The following RYR2 variants were observed in gnomAD, a reference collection of about 807,000 sequenced individuals.
RYR2 encodes ryanodine receptor 2.
RYR2 carries 227 observed loss-of-function variants against 601.1 expected under a neutral mutation model. The ratio of observed to expected loss-of-function variants is 0.38; its 90% CI spans 0.34 to 0.42. RYR2 has a LOEUF of 0.42. Ranked by LOEUF, RYR2 falls within the 10% of genes least tolerant of loss-of-function variation. The probability of loss-of-function intolerance (pLI) is 1.00; values close to 1 mark genes in which losing one functional copy is unlikely to be tolerated. For synonymous variants in RYR2, 2,223 were observed against 2,175.1 expected (o/e 1.02, Z -0.61); for missense variants, 4,646 against 6,156.5 (o/e 0.75, Z 8.21).
intron 12 of RYR2, among the ~76,000 whole-genome samples, chr1:237,432,512 TG>T (rs1706929759): frequency 6.6e-6 from 1 of 152,192 alleles, no homozygotes; most frequent in Non-Finnish European, 1.5e-5. Flanking sequence ...CAGTCTTCTC[TG>T]GGAAGGGAAG....
At chr1:237,086,849 C>G (rs1453703896) in intron 1 of RYR2, among the ~76,000 whole-genome samples, 2 of 152,160 alleles carry the variant, frequency 1.3e-5, no homozygotes, top group Non-Finnish European at 2.9e-5. Context: ...GGTTGGCAAA[C>G]AGCAGTCAAA....
intron 8 of RYR2, among the ~76,000 whole-genome samples, chr1:237,385,990 A>G (rs528649296): frequency 6.4e-4 from 97 of 152,340 alleles, no homozygotes; most frequent in African/African-American, 2.2e-3. Context: ...GTAAACAATT[A>G]AACAGTTTTA....
intron 23 of RYR2, among the ~76,000 whole-genome samples, chr1:237,511,421 C>G (rs139596775): frequency 6.6e-6 from 1 of 151,664 alleles, no homozygotes; most frequent in Non-Finnish European, 1.5e-5. Flanking sequence ...ACTGAGTGAG[C>G]CTGTGGGAAT....
chr1:237,117,681 T>TCTTCTCTTC (rs1670254982), intron 1 of RYR2, among the ~76,000 whole-genome samples: 1 of 43,784 alleles, frequency 2.3e-5, no homozygotes, highest in Non-Finnish European at 4.5e-5. Flanking sequence ...CCTTCTCTTC[T>TCTTCTCTTC]CTTCTCTTCT....
intron 80 of RYR2, chr1:237,755,068 T>C (rs1692837378): frequency 7.8e-7 from 1 of 1,288,722 alleles, no homozygotes; most frequent in Non-Finnish European, 1.0e-6. Flanking sequence ...CAGCACGATA[T>C]TATCAAAGAT....
chr1:237,691,771 G>T (rs529980303), intron 63 of RYR2, among the ~76,000 whole-genome samples: 2 of 152,144 alleles, frequency 1.3e-5, no homozygotes, highest in African/African-American at 2.4e-5. Flanking sequence ...CTAAATATAG[G>T]CTTCCCTGTT....
rs1402357546 is a variant in RYR2 at position 237,665,122 on chromosome 1, C to T, written c.8437-1390C>T. 5.3e-5 allele frequency among the ~76,000 whole-genome samples: 8 copies of T among 152,080 alleles called. No individual in the cohort carries two copies. The highest frequency in any genetic ancestry group is 1.9e-4 in the African/African-American group (8 of 41,404). ...GCATATTAAAAGAAAAACTCCAGGC[C>T]GGGCATGGTGGCTCACACCTGTAAT... On this transcript the variant is annotated intron_variant, in intron 56 of 104. Transcript: ENST00000366574.
rs1226266081 is a variant in RYR2 at position 237,509,092 on chromosome 1, C to T, written c.2718+2278C>T. Among the ~76,000 whole-genome samples, 3 of 152,132 alleles carry T rather than the reference C, an allele frequency of 2.0e-5. No individual in the cohort carries two copies. The East Asian group carries it at 5.8e-4, about 29-fold the overall frequency. Reference sequence around the variant, plus strand: ...TACAGTACCGTGGGGCCTTCTTGCCCGCAACTGACTCAAGTTATCCTTTGC... The same window carrying T: ...TACAGTACCGTGGGGCCTTCTTGCCTGCAACTGACTCAAGTTATCCTTTGC... On this transcript the variant is annotated intron_variant, in intron 23 of 104. Coordinates refer to ENST00000366574, the MANE Select transcript of RYR2 (RefSeq NM_001035.3).
intron 1 of RYR2, among the ~76,000 whole-genome samples, chr1:237,199,532 G>T (rs1451041987): frequency 6.6e-6 from 1 of 152,156 alleles, no homozygotes; most frequent in Non-Finnish European, 1.5e-5. Flanking sequence ...TTTTATTCTG[G>T]CTGTGCTGGC....
chr1:237,280,020 G>C (rs1432652324), intron 2 of RYR2, among the ~76,000 whole-genome samples: 1 of 152,128 alleles, frequency 6.6e-6, no homozygotes, highest in African/African-American at 2.4e-5. Context: ...AGCTCTTTCT[G>C]TTTCTTCCAA....
chr1:237,808,100 T>C (rs1257081507), intron 99 of RYR2, among the ~76,000 whole-genome samples: 1 of 152,186 alleles, frequency 6.6e-6, no homozygotes, highest in Non-Finnish European at 1.5e-5. Context: ...CATTTAATTA[T>C]AGATTGAGAA....
At chr1:237,172,645 T>C (rs1297635987) in intron 1 of RYR2, among the ~76,000 whole-genome samples, 1 of 152,198 alleles carries the variant, frequency 6.6e-6, no homozygotes, top group Non-Finnish European at 1.5e-5. Flanking sequence ...TACTAAATTT[T>C]CTTTTGCTGT....
chr1:237,621,056 A>G lies in RYR2; in HGVS notation c.5917-2709A>G, dbSNP rs1026611016. On this transcript the variant is annotated intron_variant, in intron 38 of 104. Transcript: ENST00000366574. ...CAAGACATTTTTAAAAGTTGAAATC[A>G]TACACATTTTTTTATCACATTGTTA... Among the ~76,000 whole-genome samples the G allele has an allele frequency of 1.9e-4, 29 of 152,130 alleles. 1 individual carries two copies. The highest frequency in any genetic ancestry group is 7.4e-5 in the Non-Finnish European group (5 of 68,014).
intron 5 of RYR2, among the ~76,000 whole-genome samples, chr1:237,367,697 C>T (rs1210718367): frequency 6.6e-6 from 1 of 152,192 alleles, no homozygotes; most frequent in Non-Finnish European, 1.5e-5. Context: ...CTTCCATGGT[C>T]TTTCCCTGAT....
At chr1:237,348,379 A>C (rs1246263493) in intron 3 of RYR2, among the ~76,000 whole-genome samples, 2 of 152,184 alleles carry the variant, frequency 1.3e-5, no homozygotes, top group Non-Finnish European at 2.9e-5. Flanking sequence ...CTATGAAACA[A>C]TACTAATAAT....
intron 1 of RYR2, among the ~76,000 whole-genome samples, chr1:237,224,115 C>T (rs1447411990): frequency 6.6e-6 from 1 of 151,910 alleles, no homozygotes; most frequent in South Asian, 2.1e-4. Flanking sequence ...CCTTGAGTAA[C>T]GTATGTTTGA....
At chr1:237,333,610 C>T (rs1358442847) in intron 3 of RYR2, 1 of 456,064 alleles carries the variant, frequency 2.2e-6, no homozygotes, top group Non-Finnish European at 4.4e-6. Context: ...TAAGGATGTG[C>T]ACCAGCTAGA....
intron 12 of RYR2, among the ~76,000 whole-genome samples, chr1:237,438,312 G>A (rs1433075925): frequency 6.6e-6 from 1 of 151,916 alleles, no homozygotes; most frequent in African/African-American, 2.4e-5. Context: ...CTATACTCTT[G>A]TTGTTTTTGT....
In RYR2 at chr1:237,614,532, G is replaced by A. The variant is rs773181830; in HGVS notation, c.5404G>A (p.Gly1802Ser). Reference sequence around the variant, plus strand: ...GATGCTGACAGAAGCTGTTAAAGAGGGCAGTCTTCATGCCCGGGACCCAGT... The same window carrying A: ...GATGCTGACAGAAGCTGTTAAAGAGAGCAGTCTTCATGCCCGGGACCCAGT... ...IQMLTEAVKE[G>S]SLHARDPVGG... The change falls in exon 37 of 105, where the codon GGC (glycine) becomes AGC (serine). Residue 1802 changes from glycine (G) to serine (S), a missense_variant. Physicochemically the swap from Gly to Ser is moderately conservative, Grantham distance 56 (BLOSUM62 0). This residue lies in a region of RYR2 where 1,807 missense variants were observed against 2,088.1 expected (regional missense o/e 0.87). Coordinates refer to ENST00000366574, the MANE Select transcript of RYR2 (RefSeq NM_001035.3). This position sits in a 1 kb window ranked among gnomAD's most constrained non-coding sequence, Gnocchi z 4.3. 4 of 1,613,876 alleles carry A rather than the reference G, an allele frequency of 2.5e-6. No individual in the cohort carries two copies. The South Asian group carries it at 3.3e-5, about 13-fold the overall frequency.
Sources: allele counts gnomAD v4.1 joint callset (sites outside exome capture counted in the v4.1 genomes callset), GRCh38; gene constraint gnomAD v4.1.1; regional missense constraint gnomAD v4.1.1; non-coding constraint Gnocchi (gnomAD v3.1); transcripts MANE v1.5; gene names NCBI Gene and HGNC (gene_info 2026-07-23, HGNC 2026-07-21).